Variants in GRM8 observed in about 807,000 individuals in gnomAD.
The protein encoded by GRM8 is glutamate metabotropic receptor 8, also known as metabotropic glutamate receptor 8.
GRM8 carries 47 observed loss-of-function variants against 87.2 expected under a neutral mutation model. That is an observed-to-expected ratio of 0.54 (90% CI 0.43 to 0.69). The LOEUF (loss-of-function observed/expected upper bound fraction) is 0.69, where lower values mean the gene tolerates loss of function less well. Among genes scored for constraint, GRM8 ranks in the 30% least tolerant of loss-of-function variants. The probability of loss-of-function intolerance (pLI) is 0.00; values close to 1 mark genes in which losing one functional copy is unlikely to be tolerated. For missense variants in GRM8, 1,019 were observed against 1,139.2 expected (o/e 0.89, Z 1.52); for synonymous variants, 396 against 404.5 (o/e 0.98, Z 0.25).
In GRM8 at chr7:127,216,517, C is replaced by CAAAAAAAAA. The variant is rs58730624; in HGVS notation, c.510+26169_510+26177dup. ...TGGGCGACAGAGCGAGACTCCGTCT[C>CAAAAAAAAA]AAAAAAAAAAAAAAAAACAAAAAAA... On this transcript the variant is annotated intron_variant, in intron 2 of 10. Coordinates refer to ENST00000339582, the MANE Select transcript of GRM8 (RefSeq NM_000845.3). 2.7e-3 allele frequency among the ~76,000 whole-genome samples: 172 copies of CAAAAAAAAA among 62,952 alleles called. 5 individuals are homozygous for CAAAAAAAAA. Among genetic ancestry groups the CAAAAAAAAA allele is most frequent in the Non-Finnish European group, 3.9e-3 (113 of 29,182 alleles). The allele number at this position is 62,952 out of a possible 152,430, so 41.3% of individuals were successfully genotyped here.
intron 8 of GRM8, among the ~76,000 whole-genome samples, chr7:126,604,416 A>G (rs1474820829): frequency 1.3e-5 from 2 of 152,170 alleles, no homozygotes; most frequent in Non-Finnish European, 2.9e-5. Flanking sequence ...CTGCAAATAC[A>G]GCTTCAGTTT....
rs1213302069 is a variant in GRM8, at chr7:127,252,315, C to T, written c.-312+482G>A. The T allele has an allele frequency of 6.6e-6, 1 of 152,278 alleles. No homozygotes were observed. Among genetic ancestry groups the T allele is most frequent in the Non-Finnish European group, 1.5e-5 (1 of 68,110 alleles). The allele number at this position is 152,278 out of a possible 1,614,324, so 9.4% of individuals were successfully genotyped here. A position where few individuals can be genotyped will look rare whatever the true frequency, so the allele number is the denominator to read the frequency against. On this transcript the variant is annotated intron_variant, in intron 1 of 10. Coordinates refer to ENST00000339582, the MANE Select transcript of GRM8 (RefSeq NM_000845.3). This position sits in a 1 kb window ranked among gnomAD's most constrained non-coding sequence, Gnocchi z 4.9. Reference sequence around the variant, plus strand: ...TTCGCCGACTAAACTTTTGGGGGATCACATCTCCAAGCCTTGGGAGTTCCG... The same window carrying T: ...TTCGCCGACTAAACTTTTGGGGGATTACATCTCCAAGCCTTGGGAGTTCCG...
intron 9 of GRM8, among the ~76,000 whole-genome samples, chr7:126,451,709 C>T (rs749305321): frequency 2.6e-5 from 4 of 151,736 alleles, no homozygotes; most frequent in Non-Finnish European, 5.9e-5. Context: ...TCCACCCATA[C>T]TGGCTCCCTG....
intron 6 of GRM8, among the ~76,000 whole-genome samples, chr7:126,786,824 C>T (rs1820673907): frequency 1.3e-5 from 2 of 152,286 alleles, no homozygotes; most frequent in South Asian, 4.1e-4. Context: ...TGTCCATCAG[C>T]TGGATGTGCC....
rs565664791 is a variant in GRM8, at chr7:126,539,350, G to C, written c.1495-5463C>G. Among the ~76,000 whole-genome samples the C allele has an allele frequency of 8.8e-4, 134 of 152,008 alleles. 6 individuals are homozygous for C. In the South Asian group the frequency reaches 0.018, roughly 21 times the overall value. ...GAATCAGATGATTTACTATTGCTAA[G>C]ATAGCAATATTTCCCACATTGATCT... On this transcript the variant is annotated intron_variant, in intron 8 of 10. Coordinates refer to ENST00000339582, the MANE Select transcript of GRM8 (RefSeq NM_000845.3).
chr7:127,168,244 C>T (rs1012488462), intron 2 of GRM8, among the ~76,000 whole-genome samples: 1 of 152,138 alleles, frequency 6.6e-6, no homozygotes, highest in African/African-American at 2.4e-5. Flanking sequence ...AGAAAACAAA[C>T]ATATTTTAAA....
In GRM8 at chr7:126,675,407, G is replaced by A. The variant is rs1032034837; in HGVS notation, c.1358-65909C>T. 7.9e-5 allele frequency among the ~76,000 whole-genome samples: 12 copies of A among 152,092 alleles called. No homozygotes were observed. In the East Asian group the frequency reaches 2.3e-3, roughly 29 times the overall value. ...CTCATTACAAAGCTCATATCAAACT[G>A]ATACCTAAGCCAGGAAAGGAAATAA... On this transcript the variant is annotated intron_variant, in intron 7 of 10. Transcript: ENST00000339582.
intron 7 of GRM8, among the ~76,000 whole-genome samples, chr7:126,668,788 A>G (rs532857349): frequency 6.6e-6 from 1 of 151,048 alleles, no homozygotes; most frequent in African/African-American, 2.4e-5. Context: ...TTTTTTTTAG[A>G]TGTTTTACTA....
At chr7:126,671,540 C>G (rs576991245) in intron 7 of GRM8, among the ~76,000 whole-genome samples, 31 of 152,312 alleles carry the variant, frequency 2.0e-4, no homozygotes, top group African/African-American at 7.5e-4. Context: ...ACTCACCAGT[C>G]ATTTTCAAGT....
intron 2 of GRM8, among the ~76,000 whole-genome samples, chr7:127,195,858 TA>T (rs1258949095): frequency 6.6e-6 from 1 of 152,194 alleles, no homozygotes. Flanking sequence ...TTTTTATCTT[TA>T]AAGGTAGGTA....
intron 7 of GRM8, among the ~76,000 whole-genome samples, chr7:126,614,021 A>G (rs528632783): frequency 6.6e-6 from 1 of 152,340 alleles, no homozygotes; most frequent in African/African-American, 2.4e-5. Context: ...ACAGCTTTGA[A>G]GAGAGTAGTG....
At chr7:126,541,154 C>G (rs1214649792) in intron 8 of GRM8, among the ~76,000 whole-genome samples, 1 of 152,086 alleles carries the variant, frequency 6.6e-6, no homozygotes, top group Admixed American at 6.5e-5. Context: ...CACAGTGAGT[C>G]TCCCTTACAG....
intron 2 of GRM8, among the ~76,000 whole-genome samples, chr7:127,189,272 G>C (rs1013653450): frequency 1.2e-4 from 19 of 152,174 alleles, no homozygotes. Context: ...TCTGTAAACA[G>C]TAATTCTCAA....
chr7:127,057,168 T>A (rs1820081016), intron 3 of GRM8, among the ~76,000 whole-genome samples: 2 of 151,614 alleles, frequency 1.3e-5, no homozygotes, highest in South Asian at 2.1e-4. Flanking sequence ...ACCAAAACTT[T>A]AAATATCAAA....
At chr7:127,167,223 C>A (rs1587180474) in intron 2 of GRM8, among the ~76,000 whole-genome samples, 2 of 152,144 alleles carry the variant, frequency 1.3e-5, no homozygotes, top group Non-Finnish European at 2.9e-5. Context: ...ATGAAACTGA[C>A]CAAAAACCAG....
intron 3 of GRM8, among the ~76,000 whole-genome samples, chr7:126,929,209 T>G (rs943236373): frequency 6.6e-6 from 1 of 152,224 alleles, no homozygotes; most frequent in Non-Finnish European, 1.5e-5. Context: ...AAAAATAAGA[T>G]AGTCCAATGC....
chr7:127,191,843 C>T (rs995701592), intron 2 of GRM8, among the ~76,000 whole-genome samples: 5 of 152,094 alleles, frequency 3.3e-5, no homozygotes. Flanking sequence ...TGACAAGCTT[C>T]GTTTTTCTAG....
At chr7:126,891,284 T>C (rs10265669) in intron 6 of GRM8, among the ~76,000 whole-genome samples, 27,868 of 151,864 alleles carry the variant, frequency 0.18, 2,632 homozygotes, top group East Asian at 0.28. Context: ...GCAACCATCA[T>C]AGGCTGGGCC....
chr7:127,251,967 G>T (rs771886527), intron 1 of GRM8, among the ~76,000 whole-genome samples: 1 of 151,954 alleles, frequency 6.6e-6, no homozygotes, highest in African/African-American at 2.4e-5. Flanking sequence ...TGTGGGTGTC[G>T]AGGACCCCGA....
Sources: gnomAD v4.1 joint callset for allele counts (sites outside exome capture counted in the v4.1 genomes callset) on GRCh38, gnomAD v4.1.1 for gene constraint, Gnocchi (gnomAD v3.1) non-coding constraint, MANE v1.5 for transcripts, NCBI Gene and HGNC (gene_info 2026-07-23, HGNC 2026-07-21) for gene names.